The following MICU1 variants were observed in gnomAD, a reference collection of about 807,000 sequenced individuals.
MICU1 encodes mitochondrial calcium uptake 1.
Under a neutral mutation model 56.8 loss-of-function variants are expected in MICU1, and 45 were observed. The observed-to-expected ratio is 0.79, with a 90% CI of 0.62 to 1.02. The LOEUF (loss-of-function observed/expected upper bound fraction) is 1.02. Ranked by LOEUF, MICU1 falls within the 50% of genes least tolerant of loss-of-function variation. The pLI, the probability that MICU1 is intolerant of heterozygous loss-of-function variation, is 0.00. For synonymous variants in MICU1, 186 were observed against 195.1 expected (o/e 0.95, Z 0.39); for missense variants, 504 against 587.1 (o/e 0.86, Z 1.46).
chr10:72,500,282 A>T lies in MICU1; in HGVS notation c.652+7873T>A, dbSNP rs1254321090. ...CATACATATATATATATATATATAT[A>T]TATATATATATATATATATATTTTT... On this transcript the variant is annotated intron_variant, in intron 6 of 11. Transcript: ENST00000361114. Among the ~76,000 whole-genome samples the T allele has an allele frequency of 4.0e-3, 56 of 14,068 alleles. 1 individual carries two copies. Among genetic ancestry groups the T allele is most frequent in the African/African-American group, 6.7e-3 (52 of 7,742 alleles). 9.2% of individuals were successfully genotyped at this position (14,068 alleles called of 152,430 possible).
intron 10 of MICU1, among the ~76,000 whole-genome samples, chr10:72,380,521 TTG>T (rs2132045683): frequency 6.6e-6 from 1 of 152,270 alleles, no homozygotes; most frequent in African/African-American, 2.4e-5. Flanking sequence ...AACCCTGAGT[TTG>T]TGTGATATAA....
chr10:72,523,574 A>C (rs1245703250), intron 5 of MICU1, among the ~76,000 whole-genome samples: 1 of 152,194 alleles, frequency 6.6e-6, no homozygotes, highest in Non-Finnish European at 1.5e-5. Flanking sequence ...TGTACTGTAA[A>C]AATAAAGAGC....
chr10:72,541,960 A>C lies in MICU1; in HGVS notation c.494-8171T>G, dbSNP rs141216279. On this transcript the variant is annotated intron_variant, in intron 4 of 11. Transcript: ENST00000361114. ...ATCCACAACTTATAGCAGTGAAAAT[A>C]AAAGAACGGCTACCTGTTCTTTACA... Among the ~76,000 whole-genome samples, 11 of 152,338 alleles carry C rather than the reference A, an allele frequency of 7.2e-5. No individual in the cohort carries two copies. The East Asian group carries it at 2.1e-3, about 29-fold the overall frequency.
chr10:72,408,942 T>C (rs1006724931), intron 9 of MICU1, among the ~76,000 whole-genome samples: 1 of 152,140 alleles, frequency 6.6e-6, no homozygotes, highest in South Asian at 2.1e-4. Flanking sequence ...GAATGAAGAT[T>C]TTTTTTTCAA....
intron 5 of MICU1, among the ~76,000 whole-genome samples, chr10:72,517,780 ACT>A (rs1491180932): frequency 9.5e-6 from 1 of 105,108 alleles, no homozygotes; most frequent in Non-Finnish European, 2.4e-5. Context: ...TGGAAATAAA[ACT>A]TTTTTTTTTT....
chr10:72,400,540 A>C (rs1164432025), intron 10 of MICU1, among the ~76,000 whole-genome samples: 1 of 151,956 alleles, frequency 6.6e-6, no homozygotes, highest in Non-Finnish European at 1.5e-5. Context: ...GAGATTAGGA[A>C]TTTGAGACTA....
At chr10:72,432,276 A>C (rs1320416418) in intron 8 of MICU1, among the ~76,000 whole-genome samples, 13 of 151,996 alleles carry the variant, frequency 8.6e-5, no homozygotes, top group Non-Finnish European at 1.9e-4. Flanking sequence ...TAAAAAATTT[A>C]ATACAAATAA....
intron 8 of MICU1, among the ~76,000 whole-genome samples, chr10:72,459,256 A>G (rs1363256194): frequency 6.6e-6 from 1 of 151,682 alleles, no homozygotes; most frequent in East Asian, 1.9e-4. Flanking sequence ...GCTTGAACCC[A>G]GGAGGCGGAG....
At chr10:72,407,779 T>G (rs1863676110) in intron 10 of MICU1, 150 bp downstream of exon 10, 2 of 568,354 alleles carry the variant, frequency 3.5e-6, no homozygotes, top group South Asian at 4.7e-5. Context: ...CAGGGTGAAA[T>G]GCAAGGCTCA....
intron 1 of MICU1, among the ~76,000 whole-genome samples, chr10:72,604,360 C>CG (rs1366281562): frequency 9.3e-6 from 1 of 107,934 alleles, no homozygotes; most frequent in Non-Finnish European, 2.7e-5. Flanking sequence ...TGCAACCTCC[C>CG]CCTCCTGGGT....
intron 5 of MICU1, among the ~76,000 whole-genome samples, chr10:72,515,525 G>A (rs1226266642): frequency 1.3e-5 from 2 of 152,072 alleles, no homozygotes; most frequent in Non-Finnish European, 2.9e-5. Flanking sequence ...AATTCATGTT[G>A]ATACCTATAA....
At chr10:72,586,855 C>T (rs532959560) in intron 1 of MICU1, among the ~76,000 whole-genome samples, 9 of 152,140 alleles carry the variant, frequency 5.9e-5, no homozygotes, top group Non-Finnish European at 8.8e-5. Flanking sequence ...ATGGCACATG[C>T]CTATATCTCT....
At chr10:72,549,193 T>G (rs1170270709) in intron 4 of MICU1, among the ~76,000 whole-genome samples, 3 of 145,880 alleles carry the variant, frequency 2.1e-5, no homozygotes, top group South Asian at 2.1e-4. Context: ...TTTTTTTGGT[T>G]TTTTTTTTTT....
intron 5 of MICU1, chr10:72,524,605 C>T (rs1867914071): frequency 3.8e-6 from 2 of 522,128 alleles, no homozygotes; most frequent in Admixed American, 8.8e-5. Flanking sequence ...TTTAAAGTGA[C>T]AGGAACGAAA....
chr10:72,545,577 G>C (rs1839875533), intron 4 of MICU1, among the ~76,000 whole-genome samples: 1 of 152,214 alleles, frequency 6.6e-6, no homozygotes. Flanking sequence ...CAACAGAAAG[G>C]AGTGGGTTAA....
At chr10:72,622,390 C>A (rs551472954) in intron 1 of MICU1, among the ~76,000 whole-genome samples, 145 of 152,240 alleles carry the variant, frequency 9.5e-4, no homozygotes, top group African/African-American at 3.3e-3. Flanking sequence ...AAACTATATT[C>A]CTCTCCTTCC....
chr10:72,604,202 T>C (rs2132553436), intron 1 of MICU1, among the ~76,000 whole-genome samples: 1 of 152,140 alleles, frequency 6.6e-6, no homozygotes, highest in African/African-American at 2.4e-5. Flanking sequence ...ATTTATATTC[T>C]CTCTAGAAAC....
At chr10:72,519,767 A>T (rs7342059) in intron 5 of MICU1, among the ~76,000 whole-genome samples, 95,227 of 152,060 alleles carry the variant, frequency 0.63, 31,336 homozygotes, top group African/African-American at 0.72. Flanking sequence ...AAGAGAGAAA[A>T]CATATCTAGA....
chr10:72,380,041 T>C (rs1249464410), intron 10 of MICU1, among the ~76,000 whole-genome samples: 1 of 152,204 alleles, frequency 6.6e-6, no homozygotes, highest in Non-Finnish European at 1.5e-5. Flanking sequence ...CAGCTGGTCC[T>C]GAGAGTTGGT....
Sources: gnomAD v4.1 joint callset for allele counts (sites outside exome capture counted in the v4.1 genomes callset) on GRCh38, gnomAD v4.1.1 for gene constraint, MANE v1.5 for transcripts, NCBI Gene and HGNC (gene_info 2026-07-23, HGNC 2026-07-21) for gene names.